EDN3: variants seen among roughly 807,000 people sequenced by gnomAD.
EDN3 encodes endothelin-3.
EDN3 carries 9 observed loss-of-function variants against 21.4 expected under a neutral mutation model. The ratio of observed to expected loss-of-function variants is 0.42; its 90% CI spans 0.25 to 0.73. EDN3 has a LOEUF of 0.73. EDN3 is among the 30% of genes least tolerant of loss of function. The pLI is 0.26. For missense variants in EDN3, 327 were observed against 309.4 expected (o/e 1.06, Z -0.43); for synonymous variants, 133 against 126.2 (o/e 1.05, Z -0.36).
intron 2 of EDN3, among the ~76,000 whole-genome samples, chr20:59,318,611 G>C (rs897727809): frequency 3.3e-5 from 5 of 152,216 alleles, no homozygotes; most frequent in African/African-American, 1.2e-4. Flanking sequence ...CTTGGTGGAG[G>C]GGTTTCTGTG....
intron 4 of EDN3, among the ~76,000 whole-genome samples, chr20:59,323,506 G>A (rs1990670324): frequency 6.6e-6 from 1 of 152,210 alleles, no homozygotes; most frequent in Admixed American, 6.5e-5. Flanking sequence ...ACAAGGCATA[G>A]GATCTCTTTT....
chr20:59,309,408 C>T (rs368389480), intron 2 of EDN3, among the ~76,000 whole-genome samples: 30 of 152,164 alleles, frequency 2.0e-4, no homozygotes, highest in Non-Finnish European at 4.0e-4. Context: ...TCTGACTTCA[C>T]CCAGCATTGC....
intron 1 of EDN3, 33 bp downstream of exon 1, chr20:59,300,897 G>A: frequency 1.9e-6 from 3 of 1,606,688 alleles, no homozygotes; most frequent in Non-Finnish European, 1.7e-6. Context: ...CTCTCCTGGC[G>A]CGAGCGCACA....
intron 2 of EDN3, among the ~76,000 whole-genome samples, chr20:59,314,318 G>A (rs948452423): frequency 1.2e-4 from 19 of 152,194 alleles, no homozygotes; most frequent in South Asian, 2.1e-4. Flanking sequence ...ATACCCAAGA[G>A]TCTGTGGTTG....
intron 2 of EDN3, among the ~76,000 whole-genome samples, chr20:59,304,262 A>C (rs183270307): frequency 6.6e-6 from 1 of 152,196 alleles, no homozygotes; most frequent in Non-Finnish European, 1.5e-5. Flanking sequence ...GAATCTAAAA[A>C]ATCACTGAAT....
In EDN3 at chr20:59,300,929, A is replaced by T. The variant is rs1202624995; in HGVS notation, c.52+65A>T. On this transcript the variant is annotated intron_variant, in intron 1 of 4. Coordinates refer to ENST00000337938, the MANE Select transcript of EDN3 (RefSeq NM_207034.3). ...CACACAAAAGGACCCAGGGCGGGGGACCCGAGGCGCGGAGAAGATGTGCGT... is the reference window on the plus strand; with the variant it reads ...CACACAAAAGGACCCAGGGCGGGGGTCCCGAGGCGCGGAGAAGATGTGCGT... 2.5e-5 allele frequency: 40 copies of T among 1,570,930 alleles called. 1 individual carries two copies. The South Asian group carries it at 4.3e-4, about 17-fold the overall frequency.
rs542651666 is a variant in EDN3, at chr20:59,318,682, C to G, written c.366-2335C>G. On this transcript the variant is annotated intron_variant, in intron 2 of 4. Coordinates refer to ENST00000337938, the MANE Select transcript of EDN3 (RefSeq NM_207034.3). ...TCTCTAAACTGCCAGAGCCTGTTTG[C>G]ACACCAGCACTTTACCGCGCTTGGC... Among the ~76,000 whole-genome samples the G allele has an allele frequency of 4.6e-5, 7 of 152,356 alleles. No individual in the cohort carries two copies. In the East Asian group the frequency reaches 1.3e-3, roughly 29 times the overall value.
Position 59,324,612 on chromosome 20 carries a change from G to C in EDN3, c.*153G>C. 1 of 1,048,348 alleles carries C rather than the reference G, an allele frequency of 9.5e-7. No individual in the cohort carries two copies. The highest frequency in any genetic ancestry group is 1.4e-6 in the Non-Finnish European group (1 of 713,576). The allele number at this position is 1,048,348 out of a possible 1,614,324, so 64.9% of individuals were successfully genotyped here. The stretch of plus-strand genomic sequence containing the variant: ...CACTTAACAATACCCCCCCCCCACG[G>C]CAAGAATGCCCAAATCCGAATGACC... On this transcript the variant is annotated 3_prime_UTR_variant, in exon 5 of 5. Coordinates refer to ENST00000337938, the MANE Select transcript of EDN3 (RefSeq NM_207034.3).
In EDN3 at chr20:59,322,984, C is replaced by T. The variant is rs532066528; in HGVS notation, c.588+567C>T. On this transcript the variant is annotated intron_variant, in intron 4 of 4. Transcript: ENST00000337938. The surrounding 1 kb of genome is among the most constrained non-coding windows in gnomAD (Gnocchi z 4.1). ...TATGAGAGATCCTGAGGGTTTCCTGCAGTCAAACTGGGTTTATTTGTCATT... is the reference window on the plus strand; with the variant it reads ...TATGAGAGATCCTGAGGGTTTCCTGTAGTCAAACTGGGTTTATTTGTCATT... Among the ~76,000 whole-genome samples, 73 of 152,244 alleles carry T rather than the reference C, an allele frequency of 4.8e-4. No individual in the cohort carries two copies. Among genetic ancestry groups the T allele is most frequent in the Non-Finnish European group, 9.7e-4 (66 of 68,020 alleles).
intron 2 of EDN3, among the ~76,000 whole-genome samples, chr20:59,310,843 G>A (rs1432249666): frequency 2.6e-5 from 4 of 152,054 alleles, no homozygotes; most frequent in South Asian, 2.1e-4. Context: ...TTGCTTTGCC[G>A]AGAGTCAGAA....
At chr20:59,307,745 T>C (rs1989526537) in intron 2 of EDN3, among the ~76,000 whole-genome samples, 1 of 152,106 alleles carries the variant, frequency 6.6e-6, no homozygotes, top group Non-Finnish European at 1.5e-5. Flanking sequence ...GATGCAATCA[T>C]AGGTCACTGC....
intron 2 of EDN3, among the ~76,000 whole-genome samples, chr20:59,303,367 C>T (rs1301321696): frequency 6.6e-6 from 1 of 152,196 alleles, no homozygotes; most frequent in Non-Finnish European, 1.5e-5. Context: ...CCTTGTAGCC[C>T]CTGCACCTTG....
chr20:59,323,799 G>GCACAC, intron 4 of EDN3: 1 of 435,552 alleles, frequency 2.3e-6, no homozygotes, highest in Non-Finnish European at 4.0e-6. Context: ...TATAGGAGAA[G>GCACAC]CACACCGGTC....
Position 59,300,784 on chromosome 20 carries a change from T to C in EDN3, c.-29T>C. On this transcript the variant is annotated 5_prime_UTR_variant, in exon 1 of 5. Coordinates refer to ENST00000337938, the MANE Select transcript of EDN3 (RefSeq NM_207034.3). The stretch of plus-strand genomic sequence containing the variant: ...CGGCCACAAGCGGCCGTCCTCCTGG[T>C]CCGGTGCTCCGGCGCCTGATCTAGG... 1 of 1,603,712 alleles carries C rather than the reference T, an allele frequency of 6.2e-7. No homozygotes were observed. Among genetic ancestry groups the C allele is most frequent in the Non-Finnish European group, 8.5e-7 (1 of 1,176,550 alleles).
intron 2 of EDN3, among the ~76,000 whole-genome samples, chr20:59,317,081 C>T (rs171969): frequency 1.4e-4 from 21 of 152,054 alleles, no homozygotes; most frequent in Non-Finnish European, 2.1e-4. Context: ...AAAGGTTCTC[C>T]GCCAATTTCA....
At chr20:59,309,770 T>G (rs11570295) in intron 2 of EDN3, among the ~76,000 whole-genome samples, 1 of 152,160 alleles carries the variant, frequency 6.6e-6, no homozygotes, top group African/African-American at 2.4e-5. Flanking sequence ...GTTGGAAAGG[T>G]CAGTCCTACG....
At chr20:59,306,680 C>G (rs1230516357) in intron 2 of EDN3, among the ~76,000 whole-genome samples, 1 of 147,538 alleles carries the variant, frequency 6.8e-6, no homozygotes, top group African/African-American at 2.5e-5. Flanking sequence ...GGCAGCATCA[C>G]AGATTCTGGC....
chr20:59,310,793 G>C (rs990211170), intron 2 of EDN3, among the ~76,000 whole-genome samples: 1 of 145,104 alleles, frequency 6.9e-6, no homozygotes, highest in Non-Finnish European at 1.5e-5. Flanking sequence ...TGACTGGCCC[G>C]CTGGTGGACA....
At position 59,321,312 on chromosome 20, in the gene EDN3, C is replaced by T. The variant is rs11570341; in HGVS notation, c.542+119C>T. Reference sequence around the variant, plus strand: ...GTTCAGTCACATCCTGACCTACTGTCGTCCTGTGGGCCAGAGAAAGGAGGT... The same window carrying T: ...GTTCAGTCACATCCTGACCTACTGTTGTCCTGTGGGCCAGAGAAAGGAGGT... On this transcript the variant is annotated intron_variant, in intron 3 of 4. Transcript: ENST00000337938. 4,438 of 1,214,168 alleles carry T rather than the reference C, an allele frequency of 3.7e-3. 20 individuals carry two copies. Among genetic ancestry groups the T allele is most frequent in the East Asian group, 0.011 (479 of 42,696 alleles). 75.2% of individuals were successfully genotyped at this position (1,214,168 alleles called of 1,614,324 possible). A position where few individuals can be genotyped will look rare whatever the true frequency, so the allele number is the denominator to read the frequency against.
Sources: allele counts gnomAD v4.1 joint callset (sites outside exome capture counted in the v4.1 genomes callset), GRCh38; gene constraint gnomAD v4.1.1; non-coding constraint Gnocchi (gnomAD v3.1); transcripts MANE v1.5; gene names NCBI Gene and HGNC (gene_info 2026-07-23, HGNC 2026-07-21).